B3GALT1: variants seen among roughly 807,000 people sequenced by gnomAD.
The protein encoded by B3GALT1 is beta-1,3-galactosyltransferase 1, also known as UDP-Gal:betaGlcNAc beta 1,3-galactosyltransferase, polypeptide 1.
Under a neutral mutation model 23.2 loss-of-function variants are expected in B3GALT1, and 10 were observed. The ratio of observed to expected loss-of-function variants is 0.43; its 90% CI spans 0.27 to 0.73. B3GALT1 has a LOEUF of 0.73. B3GALT1 is among the 30% of genes least tolerant of loss of function. The pLI is 0.21. For missense variants in B3GALT1, 299 were observed against 405.4 expected (o/e 0.74, Z 2.25); for synonymous variants, 156 against 141.5 (o/e 1.10, Z -0.73).
intron 1 of B3GALT1, among the ~76,000 whole-genome samples, chr2:167,462,121 T>G (rs897997892): frequency 3.3e-5 from 5 of 152,176 alleles, no homozygotes; most frequent in Admixed American, 2.6e-4. Context: ...ACTATAGACA[T>G]AAATAACCTC....
rs1347835196 is a variant in B3GALT1 at position 167,564,205 on chromosome 2, C to T, written c.-410+73928C>T. ...CTCAGACGGGGCGGCCGGGCAGAGA[C>T]GCTCCTCACATCCCGGACGGGGCGG... is the stretch of plus-strand genomic sequence containing the variant. On this transcript the variant is annotated intron_variant, in intron 2 of 4. Coordinates refer to ENST00000392690, the MANE Select transcript of B3GALT1 (RefSeq NM_020981.4). Among the ~76,000 whole-genome samples the T allele has an allele frequency of 2.4e-3, 361 of 150,760 alleles. 1 individual carries two copies. The highest frequency in any genetic ancestry group is 3.3e-3 in the Non-Finnish European group (221 of 67,640).
At chr2:167,576,991 G>A (rs1310823198) in intron 2 of B3GALT1, among the ~76,000 whole-genome samples, 1 of 151,650 alleles carries the variant, frequency 6.6e-6, no homozygotes, top group African/African-American at 2.4e-5. Context: ...AGGTCCCCAG[G>A]AGTGCTAGGC....
intron 3 of B3GALT1, among the ~76,000 whole-genome samples, chr2:167,783,654 G>C (rs1252524844): frequency 2.6e-5 from 4 of 152,220 alleles, no homozygotes; most frequent in Non-Finnish European, 5.9e-5. Flanking sequence ...GGCTGGAAGA[G>C]GAGGAGGAAA....
chr2:167,564,888 T>C lies in B3GALT1; in HGVS notation c.-410+74611T>C, dbSNP rs1164968390. Among the ~76,000 whole-genome samples the C allele has an allele frequency of 2.0e-5, 3 of 152,224 alleles. 1 individual carries two copies. The highest frequency in any genetic ancestry group is 2.0e-4 in the Admixed American group (3 of 15,278). On this transcript the variant is annotated intron_variant, in intron 2 of 4. Transcript: ENST00000392690. ...AAACAAATGGAAGAACATTCCATGC[T>C]CATGGGTAGGAAGAATCAATATCAT...
chr2:167,412,127 A>G (rs370760038), intron 1 of B3GALT1, among the ~76,000 whole-genome samples: 496 of 21,678 alleles, frequency 0.023, 2 homozygotes, highest in Middle Eastern at 0.1. Context: ...ATGGCACGGT[A>G]GAACAAATAA....
rs1338446193 is a variant in B3GALT1 at position 167,430,541 on chromosome 2, A to G, written c.-510-59636A>G. Among the ~76,000 whole-genome samples, 3 of 152,172 alleles carry G rather than the reference A, an allele frequency of 2.0e-5. No individual in the cohort carries two copies. In the East Asian group the frequency reaches 5.8e-4, roughly 29 times the overall value. ...TAGTAGCTTGTATCATGGTAGTAGC[A>G]GTGGAAGTGGTGAAAGATAGTCAGC... On this transcript the variant is annotated intron_variant, in intron 1 of 4. Transcript: ENST00000392690.
At chr2:167,444,812 A>T (rs569984298) in intron 1 of B3GALT1, among the ~76,000 whole-genome samples, 1 of 151,806 alleles carries the variant, frequency 6.6e-6, no homozygotes, top group Non-Finnish European at 1.5e-5. Context: ...TTTTGAAAAA[A>T]CCAGCTCCTG....
At chr2:167,516,976 C>T (rs1456917950) in intron 2 of B3GALT1, among the ~76,000 whole-genome samples, 2 of 150,052 alleles carry the variant, frequency 1.3e-5, no homozygotes, top group Non-Finnish European at 3.0e-5. Flanking sequence ...ATATATGACA[C>T]TTAAGCTTCT....
intron 3 of B3GALT1, among the ~76,000 whole-genome samples, chr2:167,738,899 T>C (rs1487396137): frequency 2.0e-5 from 3 of 152,228 alleles, no homozygotes; most frequent in Non-Finnish European, 4.4e-5. Context: ...TACATTATCT[T>C]TCCAGGTTTC....
intron 3 of B3GALT1, among the ~76,000 whole-genome samples, chr2:167,732,837 T>A (rs1687429686): frequency 1.3e-5 from 2 of 152,186 alleles, no homozygotes; most frequent in Admixed American, 6.5e-5. Flanking sequence ...CAAAGAATAT[T>A]CTTTTGATGA....
chr2:167,396,517 AATAT>A (rs199722723), intron 1 of B3GALT1, among the ~76,000 whole-genome samples: 19 of 117,728 alleles, frequency 1.6e-4, no homozygotes, highest in South Asian at 1.5e-3. Context: ...AAAGTCTGCA[AATAT>A]ATATATATAT....
intron 4 of B3GALT1, among the ~76,000 whole-genome samples, chr2:167,846,947 G>A (rs1048759498): frequency 5.9e-5 from 9 of 152,150 alleles, no homozygotes; most frequent in African/African-American, 2.2e-4. Flanking sequence ...AAATGAGCAG[G>A]ACTAGCTATT....
intron 2 of B3GALT1, among the ~76,000 whole-genome samples, chr2:167,532,016 C>T (rs1683334275): frequency 1.3e-5 from 2 of 152,140 alleles, no homozygotes; most frequent in Non-Finnish European, 2.9e-5. Flanking sequence ...ATGCATTCCT[C>T]ATAATTTTGT....
At chr2:167,421,144 T>C (rs1046825425) in intron 1 of B3GALT1, among the ~76,000 whole-genome samples, 10 of 152,218 alleles carry the variant, frequency 6.6e-5, no homozygotes, top group East Asian at 5.8e-4. Flanking sequence ...CTGTCTGTTG[T>C]GGTAAGTACT....
chr2:167,841,860 TAGAA>T (rs1185820908), intron 4 of B3GALT1, among the ~76,000 whole-genome samples: 3 of 152,212 alleles, frequency 2.0e-5, no homozygotes, highest in South Asian at 2.1e-4. Context: ...GAAATAATGA[TAGAA>T]AGACTATATT....
At chr2:167,859,119 TA>T (rs1476663042) in intron 4 of B3GALT1, among the ~76,000 whole-genome samples, 3 of 152,120 alleles carry the variant, frequency 2.0e-5, no homozygotes, top group African/African-American at 7.2e-5. Flanking sequence ...ACATTTCTAA[TA>T]AAAAATACTG....
chr2:167,870,078 G>A lies in B3GALT1; in HGVS notation c.*58G>A, dbSNP rs1472308864. 1.3e-6 allele frequency: 2 copies of A among 1,482,020 alleles called. No homozygotes were observed. Among genetic ancestry groups the A allele is most frequent in the Admixed American group, 2.2e-5 (1 of 45,176 alleles). The allele number at this position is 1,482,020 out of a possible 1,614,324, so 91.8% of individuals were successfully genotyped here. On this transcript the variant is annotated 3_prime_UTR_variant, in exon 5 of 5. Coordinates refer to ENST00000392690, the MANE Select transcript of B3GALT1 (RefSeq NM_020981.4). The stretch of plus-strand genomic sequence containing the variant: ...TTTTTTAAGAAATGGGACCTAAGGT[G>A]TTGGTATTTTCCAGGTGTCGGGGGA...
At chr2:167,855,657 A>G (rs1489618562) in intron 4 of B3GALT1, among the ~76,000 whole-genome samples, 2 of 152,196 alleles carry the variant, frequency 1.3e-5, no homozygotes, top group Admixed American at 1.3e-4. Flanking sequence ...GTACAGATAT[A>G]GAGAATGGCA....
At chr2:167,416,803 A>G (rs990552501) in intron 1 of B3GALT1, among the ~76,000 whole-genome samples, 6 of 152,190 alleles carry the variant, frequency 3.9e-5, no homozygotes, top group Admixed American at 3.9e-4. Context: ...ACATGAAATC[A>G]AAGGGATTAT....
Sources: allele counts gnomAD v4.1 joint callset (sites outside exome capture counted in the v4.1 genomes callset), GRCh38; gene constraint gnomAD v4.1.1; transcripts MANE v1.5; gene names NCBI Gene and HGNC (gene_info 2026-07-23, HGNC 2026-07-21).